FNBP1: variants seen among roughly 807,000 people sequenced by gnomAD.
FNBP1 encodes the protein formin-binding protein 1.
A neutral mutation model predicts 90.6 loss-of-function variants in FNBP1; 26 were observed. The observed-to-expected ratio is 0.29, with a 90% CI of 0.21 to 0.40. FNBP1 has a LOEUF of 0.40. FNBP1 is among the 10% of genes least tolerant of loss of function. FNBP1 has a pLI of 1.00. For synonymous variants in FNBP1, 260 were observed against 265.2 expected, an observed-to-expected ratio of 0.98 and a Z score of 0.19; for missense variants, 635 against 768.0, an observed-to-expected ratio of 0.83 and a Z score of 2.05.
chr9:129,923,930 G>A lies in FNBP1; in HGVS notation c.1084C>T (p.Gln362Ter). 2 of 1,594,934 alleles carry A rather than the reference G, an allele frequency of 1.3e-6. No homozygotes were observed. The highest frequency in any genetic ancestry group is 8.5e-7 in the Non-Finnish European group (1 of 1,172,926). The change falls in exon 10 of 17, where the codon CAG becomes TAG. Residue 362 changes from glutamine (Q) to a stop codon, truncating the protein, a stop_gained. Coordinates refer to ENST00000446176, the MANE Select transcript of FNBP1 (RefSeq NM_015033.3). LOFTEE classifies it high-confidence loss of function. ...CGATGGGAGAGGGGTTCCTTTTGCT[G>A]CTTGGGAGACTGGGGGCCGTTGGGA... ...AVPNGPQSPK[Q>*]QKEPLSHRFN...
chr9:129,992,448 T>C (rs1261420901), intron 2 of FNBP1, among the ~76,000 whole-genome samples: 1 of 152,000 alleles, frequency 6.6e-6, no homozygotes, highest in Non-Finnish European at 1.5e-5. Context: ...TACATGTTAT[T>C]CACTCAATAA....
At chr9:129,976,013 C>T in intron 4 of FNBP1, among the ~76,000 whole-genome samples, 1 of 151,576 alleles carries the variant, frequency 6.6e-6, no homozygotes, top group Middle Eastern at 3.2e-3. Context: ...TCCAGGGAAG[C>T]AGTCCAGGAT....
chr9:129,933,227 G>T (rs2043008107), intron 6 of FNBP1, among the ~76,000 whole-genome samples: 1 of 151,862 alleles, frequency 6.6e-6, no homozygotes, highest in Non-Finnish European at 1.5e-5. Context: ...GTACTTACAC[G>T]CACACACATA....
chr9:129,960,098 T>C (rs1588889481), intron 4 of FNBP1, among the ~76,000 whole-genome samples: 1 of 151,928 alleles, frequency 6.6e-6, no homozygotes, highest in East Asian at 1.9e-4. Context: ...TGTTTCTAGG[T>C]TTGGGCTATT....
At chr9:129,934,764 G>A (rs1044243661) in intron 6 of FNBP1, among the ~76,000 whole-genome samples, 1 of 151,800 alleles carries the variant, frequency 6.6e-6, no homozygotes, top group Non-Finnish European at 1.5e-5. Context: ...TAGAGACAGC[G>A]TTTCACCATG....
At chr9:129,970,369 C>A (rs895754227) in intron 4 of FNBP1, among the ~76,000 whole-genome samples, 21 of 151,998 alleles carry the variant, frequency 1.4e-4, no homozygotes, top group African/African-American at 4.6e-4. Context: ...CCAAGCCCAG[C>A]TAATTTTTGT....
chr9:129,967,238 G>A (rs1281098715), intron 4 of FNBP1, among the ~76,000 whole-genome samples: 8 of 152,314 alleles, frequency 5.3e-5, no homozygotes, highest in South Asian at 2.1e-4. Context: ...TTTTGGGGCC[G>A]GGAGCGGTGG....
intron 6 of FNBP1, among the ~76,000 whole-genome samples, chr9:129,951,237 G>A (rs926071095): frequency 2.6e-5 from 4 of 151,716 alleles, no homozygotes; most frequent in Admixed American, 6.6e-5. Flanking sequence ...CATCACATGC[G>A]TGAGCCACCA....
At chr9:129,954,251 A>C (rs2046598310) in intron 6 of FNBP1, among the ~76,000 whole-genome samples, 1 of 152,136 alleles carries the variant, frequency 6.6e-6, no homozygotes, top group African/African-American at 2.4e-5. Context: ...CCAGAAGTAG[A>C]CAATAAAATA....
chr9:130,006,655 G>A (rs959949516), intron 1 of FNBP1, among the ~76,000 whole-genome samples: 2 of 152,146 alleles, frequency 1.3e-5, no homozygotes, highest in Admixed American at 6.5e-5. Context: ...GGGCGACAGA[G>A]GAAGACTTCG....
chr9:129,921,632 C>T (rs535867676), intron 10 of FNBP1, among the ~76,000 whole-genome samples: 33 of 152,128 alleles, frequency 2.2e-4, no homozygotes, highest in Admixed American at 5.9e-4. Flanking sequence ...AGGCTGGTCT[C>T]GAACTCCTGA....
intron 1 of FNBP1, among the ~76,000 whole-genome samples, chr9:130,014,937 T>C (rs931431256): frequency 5.3e-5 from 8 of 151,326 alleles, no homozygotes; most frequent in African/African-American, 1.9e-4. Flanking sequence ...TGATGATTGA[T>C]TGCAAAAAAG....
chr9:129,975,087 G>A, intron 4 of FNBP1, among the ~76,000 whole-genome samples: 1 of 151,926 alleles, frequency 6.6e-6, no homozygotes, highest in East Asian at 1.9e-4. Context: ...GGCATGGTAG[G>A]GGGTACCTGT....
intron 4 of FNBP1, among the ~76,000 whole-genome samples, chr9:129,971,936 C>T (rs567295679): frequency 3.3e-5 from 5 of 152,148 alleles, no homozygotes; most frequent in Non-Finnish European, 7.3e-5. Flanking sequence ...AGCACTAATC[C>T]TGTAAATTCA....
intron 2 of FNBP1, among the ~76,000 whole-genome samples, chr9:129,984,764 G>A (rs1004491745): frequency 2.6e-5 from 4 of 152,062 alleles, no homozygotes; most frequent in East Asian, 1.9e-4. Context: ...TGCTATTCTC[G>A]TGATAGTGAA....
Position 129,888,125 on chromosome 9 carries a change from C to T in FNBP1, c.*2414G>A, listed in dbSNP as rs1489483671. On this transcript the variant is annotated 3_prime_UTR_variant, in exon 17 of 17. Transcript: ENST00000446176. Reference sequence around the variant, plus strand: ...GTTTAAAAAACAGGCGGAGGAGTGACGGGGGGATACAAGCATATCCTATAC... The same window carrying T: ...GTTTAAAAAACAGGCGGAGGAGTGATGGGGGGATACAAGCATATCCTATAC... 1.3e-5 allele frequency: 3 copies of T among 232,508 alleles called. No homozygotes were observed. Among genetic ancestry groups the T allele is most frequent in the Non-Finnish European group, 2.5e-5 (3 of 117,756 alleles). 14.4% of individuals were successfully genotyped at this position (232,508 alleles called of 1,614,324 possible). A position where few individuals can be genotyped will look rare whatever the true frequency, so the allele number is the denominator to read the frequency against.
chr9:130,029,205 G>C (rs954041080), intron 1 of FNBP1, among the ~76,000 whole-genome samples: 1 of 151,772 alleles, frequency 6.6e-6, no homozygotes. Flanking sequence ...GCCCAGCCTG[G>C]AGTGCAGTGG....
chr9:129,994,734 C>T, intron 2 of FNBP1, 109 bp downstream of exon 2: 1 of 466,990 alleles, frequency 2.1e-6, no homozygotes, highest in South Asian at 4.5e-5. Flanking sequence ...TATTACCTTA[C>T]ATAAAAGGAA....
rs1474478450 is a variant in FNBP1, at chr9:129,889,883, C to T, written c.*656G>A. The T allele has an allele frequency of 8.5e-6, 2 of 234,704 alleles. No individual in the cohort carries two copies. The highest frequency in any genetic ancestry group is 1.2e-4 in the East Asian group (2 of 16,598). 14.5% of individuals were successfully genotyped at this position (234,704 alleles called of 1,614,324 possible). ...ATGTGTGTATGCGCACGCGTGTGTACTGGTGGGTGTGCCTGTGGGTGTGTG... is the reference window on the plus strand; with the variant it reads ...ATGTGTGTATGCGCACGCGTGTGTATTGGTGGGTGTGCCTGTGGGTGTGTG... On this transcript the variant is annotated 3_prime_UTR_variant, in exon 17 of 17. Transcript: ENST00000446176.
Sources: gnomAD v4.1 joint callset for allele counts (sites outside exome capture counted in the v4.1 genomes callset) on GRCh38, gnomAD v4.1.1 for gene constraint, MANE v1.5 for transcripts, NCBI Gene and HGNC (gene_info 2026-07-23, HGNC 2026-07-21) for gene names.